The following SRRM4 variants were observed in gnomAD, a reference collection of about 807,000 sequenced individuals.
SRRM4 encodes serine/arginine repetitive matrix protein 4.
A neutral mutation model predicts 68.9 loss-of-function variants in SRRM4; 33 were observed. The observed-to-expected ratio is 0.48, with a 90% CI of 0.36 to 0.64. The LOEUF is 0.64. Among genes scored for constraint, SRRM4 ranks in the 30% least tolerant of loss-of-function variants. The pLI is 0.00. For missense variants in SRRM4, 817 were observed against 827.1 expected (o/e 0.99, Z 0.15); for synonymous variants, 318 against 318.8 (o/e 1.00, Z 0.03).
intron 8 of SRRM4, among the ~76,000 whole-genome samples, chr12:119,143,475 C>A (rs1365297103): frequency 1.3e-5 from 2 of 152,164 alleles, no homozygotes; most frequent in African/African-American, 4.8e-5. Context: ...GGTCAACATA[C>A]CTTCAAAATG....
chr12:119,140,377 C>CA (rs368797079), intron 8 of SRRM4, among the ~76,000 whole-genome samples: 82,791 of 141,120 alleles, frequency 0.59, 24,639 homozygotes, highest in Middle Eastern at 0.72. Context: ...GACTCTGTCT[C>CA]AAAAAAAAAA....
At chr12:119,144,305 T>C (rs1420915691) in intron 8 of SRRM4, among the ~76,000 whole-genome samples, 2 of 152,166 alleles carry the variant, frequency 1.3e-5, no homozygotes, top group East Asian at 3.9e-4. Flanking sequence ...TGCTCCAACT[T>C]GGGCCCTAAG....
intron 8 of SRRM4, among the ~76,000 whole-genome samples, chr12:119,135,626 A>G (rs1954323355): frequency 2.0e-5 from 3 of 152,184 alleles, no homozygotes. Flanking sequence ...GTGTTTACTG[A>G]GCACCTACTA....
intron 4 of SRRM4, among the ~76,000 whole-genome samples, chr12:119,118,168 A>G (rs1359464540): frequency 6.6e-6 from 1 of 152,164 alleles, no homozygotes; most frequent in African/African-American, 2.4e-5. Flanking sequence ...AGCCTGCTCT[A>G]CCCACTTACA....
chr12:119,069,886 C>T (rs952151124), intron 1 of SRRM4, among the ~76,000 whole-genome samples: 2 of 152,054 alleles, frequency 1.3e-5, no homozygotes, highest in Admixed American at 1.3e-4. Context: ...AGAAACTAGC[C>T]TTTAAACCAG....
chr12:119,079,374 T>G (rs991597566), intron 1 of SRRM4, among the ~76,000 whole-genome samples: 18 of 152,094 alleles, frequency 1.2e-4, no homozygotes, highest in Non-Finnish European at 1.0e-4. Flanking sequence ...GAGGTATGCT[T>G]TATAAAGACG....
chr12:119,050,712 A>G (rs1254794697), intron 1 of SRRM4, among the ~76,000 whole-genome samples: 1 of 152,180 alleles, frequency 6.6e-6, no homozygotes, highest in Non-Finnish European at 1.5e-5. Flanking sequence ...CTTGGTTGGC[A>G]CCTAACAGGT....
intron 1 of SRRM4, among the ~76,000 whole-genome samples, chr12:119,020,799 G>A (rs1430702445): frequency 1.3e-5 from 2 of 152,190 alleles, no homozygotes; most frequent in Admixed American, 6.5e-5. Context: ...GAAAGAGCTG[G>A]GGAAATAAAG....
chr12:119,018,627 A>AAGAGAGAGGT (rs1953496190), intron 1 of SRRM4, among the ~76,000 whole-genome samples: 1 of 152,168 alleles, frequency 6.6e-6, no homozygotes, highest in African/African-American at 2.4e-5. Context: ...AAAAACAGAA[A>AAGAGAGAGGT]AGAGAGAGGT....
rs1376134036 is a variant in SRRM4 at position 119,149,344 on chromosome 12, CA to C, written c.1077-1667del. On this transcript the variant is annotated intron_variant, in intron 9 of 12. Coordinates refer to ENST00000267260, the MANE Select transcript of SRRM4 (RefSeq NM_194286.4). ...GCCTGGCGACAGAGCGAGACTGTCT[CA>C]AAAAATAAATAAATAATGATGTCGG... Among the ~76,000 whole-genome samples the C allele has an allele frequency of 4.6e-5, 7 of 152,096 alleles. No homozygotes were observed. The Middle Eastern group carries it at 0.014, about 296-fold the overall frequency.
chr12:119,114,570 A>G (rs539560335), intron 3 of SRRM4, among the ~76,000 whole-genome samples: 19 of 151,612 alleles, frequency 1.3e-4, no homozygotes, highest in African/African-American at 4.3e-4. Flanking sequence ...ACCTTTTGAG[A>G]TTTCATGAAA....
intron 1 of SRRM4, among the ~76,000 whole-genome samples, chr12:119,053,552 G>A (rs536922830): frequency 2.0e-5 from 3 of 152,248 alleles, no homozygotes; most frequent in South Asian, 2.1e-4. Flanking sequence ...TCAATTAAAC[G>A]CAGATAATAA....
intron 1 of SRRM4, among the ~76,000 whole-genome samples, chr12:119,079,191 G>A (rs773408628): frequency 5.3e-5 from 8 of 152,132 alleles, no homozygotes; most frequent in Non-Finnish European, 8.8e-5. Context: ...ATTTGGGGTG[G>A]CACTATCAGG....
intron 1 of SRRM4, among the ~76,000 whole-genome samples, chr12:119,099,201 C>A (rs951907828): frequency 2.6e-5 from 4 of 152,142 alleles, no homozygotes; most frequent in African/African-American, 9.7e-5. Flanking sequence ...GTGGCATGAT[C>A]TCAGCTCACT....
intron 1 of SRRM4, among the ~76,000 whole-genome samples, chr12:119,087,881 A>T: frequency 6.6e-6 from 1 of 151,962 alleles, no homozygotes; most frequent in South Asian, 2.1e-4. Context: ...GCGTGTCCTC[A>T]GGCAAGCCAC....
chr12:119,063,293 G>A lies in SRRM4; in HGVS notation c.132-38943G>A, dbSNP rs1953825827. On this transcript the variant is annotated intron_variant, in intron 1 of 12. Coordinates refer to ENST00000267260, the MANE Select transcript of SRRM4 (RefSeq NM_194286.4). ...ACTTTATTGTGCATTTATTAGTAAG[G>A]ATAGGCTTGGTTGTGCTATAGTAAC... Among the ~76,000 whole-genome samples the A allele has an allele frequency of 2.0e-5, 3 of 152,310 alleles. No homozygotes were observed. In the South Asian group the frequency reaches 6.2e-4, roughly 32 times the overall value.
intron 1 of SRRM4, among the ~76,000 whole-genome samples, chr12:119,034,831 C>A (rs997094330): frequency 4.6e-5 from 7 of 152,134 alleles, no homozygotes. Flanking sequence ...TACTTTTATT[C>A]CTAATCATTT....
intron 1 of SRRM4, among the ~76,000 whole-genome samples, chr12:119,095,959 CAAAAAAA>C (rs34062118): frequency 3.2e-4 from 34 of 105,972 alleles, no homozygotes; most frequent in Non-Finnish European, 1.1e-4. Context: ...GCCTCAGTCT[CAAAAAAA>C]AAAAAAAAAA....
rs1402177964 is a variant in SRRM4 at position 119,161,517 on chromosome 12, C to A, written c.*4719C>A. ...AGTTCTTTTGATGGCTGTTGTTTTG[C>A]ATTGTAAATACCATGATGGGGGACC... On this transcript the variant is annotated 3_prime_UTR_variant, in exon 13 of 13. Coordinates refer to ENST00000267260, the MANE Select transcript of SRRM4 (RefSeq NM_194286.4). 6.6e-6 allele frequency: 1 copy of A among 152,116 alleles called. No homozygotes were observed. Among genetic ancestry groups the A allele is most frequent in the East Asian group, 1.9e-4 (1 of 5,190 alleles). 9.4% of individuals were successfully genotyped at this position (152,116 alleles called of 1,614,324 possible). A position where few individuals can be genotyped will look rare whatever the true frequency, so the allele number is the denominator to read the frequency against.
Sources: allele counts gnomAD v4.1 joint callset (sites outside exome capture counted in the v4.1 genomes callset), GRCh38; gene constraint gnomAD v4.1.1; transcripts MANE v1.5; gene names NCBI Gene and HGNC (gene_info 2026-07-23, HGNC 2026-07-21).